The following GPR39 variants were observed in gnomAD, a reference collection of about 807,000 sequenced individuals.
GPR39 encodes zinc sensing receptor.
A neutral mutation model predicts 18.4 loss-of-function variants in GPR39; 23 were observed. The observed-to-expected ratio is 1.25, with a 90% confidence interval of 0.90 to 1.77. The LOEUF (loss-of-function observed/expected upper bound fraction) is 1.77, where lower values mean the gene tolerates loss of function less well. Among genes scored for constraint, GPR39 ranks in the 40% most tolerant of loss-of-function variants. The pLI is 0.00. For missense variants in GPR39, 647 were observed against 602.4 expected (o/e 1.07, Z -0.78); for synonymous variants, 280 against 257.9 (o/e 1.09, Z -0.82).
chr2:132,580,449 T>C (rs1680603670), intron 1 of GPR39, among the ~76,000 whole-genome samples: 1 of 152,238 alleles, frequency 6.6e-6, no homozygotes, highest in Non-Finnish European at 1.5e-5. Flanking sequence ...CAACACATGT[T>C]TCTGTTCTTA....
rs35116529 is a variant in GPR39, at chr2:132,644,393, A to G, written c.857-708A>G. Among the ~76,000 whole-genome samples the G allele has an allele frequency of 1.5e-4, 23 of 152,354 alleles. No homozygotes were observed. The East Asian group carries it at 4.2e-3, about 28-fold the overall frequency. On this transcript the variant is annotated intron_variant, in intron 1 of 1. Transcript: ENST00000329321. ...ACTGGCTGAACTAGAAGGAAGTTTT[A>G]TATTTGCCATCTCTGAATAATTCTT...
intron 1 of GPR39, among the ~76,000 whole-genome samples, chr2:132,591,390 G>A (rs1445964627): frequency 6.6e-6 from 1 of 151,444 alleles, no homozygotes; most frequent in Admixed American, 6.6e-5. Context: ...AAGTTCTTCA[G>A]TTTTTGGTCT....
At chr2:132,457,479 T>C (rs4953980) in intron 1 of GPR39, among the ~76,000 whole-genome samples, 36,653 of 152,116 alleles carry the variant, frequency 0.24, 4,484 homozygotes, top group Middle Eastern at 0.38. Flanking sequence ...AGCCTACTTC[T>C]GTTAACTCAT....
In GPR39 at chr2:132,595,133, G is replaced by T. The variant is rs145761470; in HGVS notation, c.857-49968G>T. 5.4e-3 allele frequency among the ~76,000 whole-genome samples: 825 copies of T among 152,240 alleles called. 9 individuals are homozygous for T. Among genetic ancestry groups the T allele is most frequent in the African/African-American group, 0.019 (777 of 41,540 alleles). ...CCTGCCTCAGCCTCCTGAGTAGCTGGACTTACCGGCGTACGCTACCATGCC... is the reference window on the plus strand; with the variant it reads ...CCTGCCTCAGCCTCCTGAGTAGCTGTACTTACCGGCGTACGCTACCATGCC... On this transcript the variant is annotated intron_variant, in intron 1 of 1. Coordinates refer to ENST00000329321, the MANE Select transcript of GPR39 (RefSeq NM_001508.3).
At chr2:132,467,405 A>T (rs900431467) in intron 1 of GPR39, among the ~76,000 whole-genome samples, 1 of 152,290 alleles carries the variant, frequency 6.6e-6, no homozygotes, top group South Asian at 2.1e-4. Flanking sequence ...ACTGAGGACT[A>T]CTAGAGAGGG....
intron 1 of GPR39, among the ~76,000 whole-genome samples, chr2:132,570,497 T>C (rs887631077): frequency 2.6e-5 from 4 of 152,218 alleles, no homozygotes; most frequent in Non-Finnish European, 4.4e-5. Context: ...AGTCATATTG[T>C]TGATCATCCT....
intron 1 of GPR39, among the ~76,000 whole-genome samples, chr2:132,508,167 G>T (rs1011486279): frequency 6.6e-6 from 1 of 152,118 alleles, no homozygotes; most frequent in Non-Finnish European, 1.5e-5. Flanking sequence ...CGGTCTGAGG[G>T]TCCACTTGGA....
In GPR39 at chr2:132,449,255, T is replaced by TTTG. The variant is rs71994549; in HGVS notation, c.856+31357_856+31358insTTG. Among the ~76,000 whole-genome samples the TTTG allele has an allele frequency of 6.7e-3, 1,003 of 150,682 alleles. 10 individuals carry two copies. The highest frequency in any genetic ancestry group is 0.023 in the African/African-American group (923 of 40,790). On this transcript the variant is annotated intron_variant, in intron 1 of 1. Transcript: ENST00000329321. The stretch of plus-strand genomic sequence containing the variant: ...TGTTTTTTTGTTTGTTTGTTTGTTT[T>TTTG]GTTTTGTTTTGAGACAGAGTCTCGC...
chr2:132,485,327 C>A (rs1332795522), intron 1 of GPR39, among the ~76,000 whole-genome samples: 3 of 152,206 alleles, frequency 2.0e-5, no homozygotes, highest in Non-Finnish European at 4.4e-5. Context: ...TTGTTGACTG[C>A]TGACCAGTCA....
At chr2:132,452,871 T>A (rs984109462) in intron 1 of GPR39, among the ~76,000 whole-genome samples, 1 of 8,210 alleles carries the variant, frequency 1.2e-4, no homozygotes, top group Admixed American at 8.6e-4. Flanking sequence ...CTTAATCCAG[T>A]TCTATTCATT....
intron 1 of GPR39, among the ~76,000 whole-genome samples, chr2:132,510,554 T>A (rs1292467032): frequency 6.6e-6 from 1 of 152,162 alleles, no homozygotes; most frequent in Non-Finnish European, 1.5e-5. Flanking sequence ...TCCTCCCTAT[T>A]TAAGGTTGTT....
At chr2:132,450,465 A>G (rs1462541869) in intron 1 of GPR39, among the ~76,000 whole-genome samples, 1 of 152,160 alleles carries the variant, frequency 6.6e-6, no homozygotes, top group African/African-American at 2.4e-5. Context: ...CTGACTTTTC[A>G]TTTCTTATCT....
Position 132,646,441 on chromosome 2 carries a change from A to AGAT in GPR39, c.*836_*838dup. On this transcript the variant is annotated 3_prime_UTR_variant, in exon 2 of 2. Coordinates refer to ENST00000329321, the MANE Select transcript of GPR39 (RefSeq NM_001508.3). The stretch of plus-strand genomic sequence containing the variant: ...CTTCGGATTGTCTCATTGATATTCA[A>AGAT]GATAGATGGTGAAAGAGACAGGCAC... 2.4e-6 allele frequency: 1 copy of AGAT among 420,472 alleles called. No homozygotes were observed. Among genetic ancestry groups the AGAT allele is most frequent in the Non-Finnish European group, 4.2e-6 (1 of 238,878 alleles). The allele number at this position is 420,472 out of a possible 1,614,324, so 26.0% of individuals were successfully genotyped here.
intron 1 of GPR39, among the ~76,000 whole-genome samples, chr2:132,425,838 C>T (rs1166481206): frequency 6.6e-6 from 1 of 152,054 alleles, no homozygotes; most frequent in African/African-American, 2.4e-5. Flanking sequence ...AGCTGAGCAC[C>T]AGCAAGAAAA....
chr2:132,523,486 AAG>A, intron 1 of GPR39: 1 of 152,132 alleles, frequency 6.6e-6, no homozygotes, highest in South Asian at 2.1e-4. Context: ...AGAAAAAAAA[AAG>A]GAGTCCAATC....
rs550794231 is a variant in GPR39 at position 132,470,447 on chromosome 2, A to C, written c.856+52549A>C. On this transcript the variant is annotated intron_variant, in intron 1 of 1. Coordinates refer to ENST00000329321, the MANE Select transcript of GPR39 (RefSeq NM_001508.3). ...ACCATGGTGGTGTTGGCACTTCCTA[A>C]AGCAGCTGTAGGCCTGGGTGATCCA... Among the ~76,000 whole-genome samples the C allele has an allele frequency of 1.9e-3, 296 of 152,130 alleles. 1 individual carries two copies. Among genetic ancestry groups the C allele is most frequent in the African/African-American group, 6.0e-3 (250 of 41,498 alleles).
chr2:132,487,131 A>G (rs1573625821), intron 1 of GPR39, among the ~76,000 whole-genome samples: 1 of 152,186 alleles, frequency 6.6e-6, no homozygotes, highest in East Asian at 1.9e-4. Context: ...GAGTCAGAAC[A>G]CACACAACAT....
chr2:132,456,289 G>T (rs1471096876), intron 1 of GPR39, among the ~76,000 whole-genome samples: 1 of 133,582 alleles, frequency 7.5e-6, no homozygotes, highest in Non-Finnish European at 1.6e-5. Context: ...TCAGAGATTA[G>T]GATTGCAACC....
intron 1 of GPR39, among the ~76,000 whole-genome samples, chr2:132,485,301 C>CT (rs1681310525): frequency 1.3e-5 from 2 of 152,188 alleles, no homozygotes; most frequent in Admixed American, 6.5e-5. Context: ...TGCTAGTGAA[C>CT]TGTCATGCCC....
Sources: allele counts gnomAD v4.1 joint callset (sites outside exome capture counted in the v4.1 genomes callset), GRCh38; gene constraint gnomAD v4.1.1; transcripts MANE v1.5; gene names NCBI Gene and HGNC (gene_info 2026-07-23, HGNC 2026-07-21).